The following DNMT3A variants were observed in gnomAD, a reference collection of about 807,000 sequenced individuals.
DNMT3A encodes DNA methyltransferase 3 alpha, also known as DNA (cytosine-5)-methyltransferase 3A.
Under a neutral mutation model 117.6 loss-of-function variants are expected in DNMT3A, and 267 were observed. The observed-to-expected ratio is 2.27, with a 90% CI of 2.05 to 2.51. The LOEUF (loss-of-function observed/expected upper bound fraction) is 2.51, where lower values mean the gene tolerates loss of function less well. Among genes scored for constraint, DNMT3A ranks in the 30% most tolerant of loss-of-function variants. The pLI is 0.00. For missense variants in DNMT3A, 1,029 were observed against 1,260.2 expected, an observed-to-expected ratio of 0.82 and a Z score of 2.78; for synonymous variants, 432 against 474.8, an observed-to-expected ratio of 0.91 and a Z score of 1.17.
intron 6 of DNMT3A, among the ~76,000 whole-genome samples, chr2:25,264,918 A>C (rs1273852850): frequency 6.6e-6 from 1 of 152,154 alleles, no homozygotes; most frequent in East Asian, 1.9e-4. Context: ...CTCACCCCCC[A>C]ACCTGCCGTG....
chr2:25,303,757 G>A (rs2033642692), intron 2 of DNMT3A, among the ~76,000 whole-genome samples: 1 of 152,252 alleles, frequency 6.6e-6, no homozygotes, highest in Admixed American at 6.5e-5. Context: ...GAGTCTTAGG[G>A]CAAAGCGGGA....
chr2:25,241,151 T>C (rs1312061896), intron 17 of DNMT3A, among the ~76,000 whole-genome samples: 1 of 152,222 alleles, frequency 6.6e-6, no homozygotes, highest in Non-Finnish European at 1.5e-5. Context: ...ATATGGAAGC[T>C]GATAAAGCTA....
In DNMT3A at chr2:25,311,584, G is replaced by A. The variant is rs1325952303; in HGVS notation, c.72+2329C>T. On this transcript the variant is annotated intron_variant, in intron 2 of 22. Coordinates refer to ENST00000321117, the MANE Select transcript of DNMT3A (RefSeq NM_022552.5). The surrounding 1 kb of genome is among the most constrained non-coding windows in gnomAD (Gnocchi z 5.2). The stretch of plus-strand genomic sequence containing the variant: ...TGGGGTGTGAGTGTGCACTCTATCA[G>A]CACCGGGATCTAGGGCTGGGTGTGT... Among the ~76,000 whole-genome samples, 1 of 152,184 alleles carries A rather than the reference G, an allele frequency of 6.6e-6. No homozygotes were observed. The highest frequency in any genetic ancestry group is 2.4e-5 in the African/African-American group (1 of 41,436).
chr2:25,335,337 G>A (rs1359270457), intron 1 of DNMT3A, among the ~76,000 whole-genome samples: 1 of 152,226 alleles, frequency 6.6e-6, no homozygotes, highest in African/African-American at 2.4e-5. Context: ...CTGCTCACTG[G>A]GGTGCTGGGG....
intron 2 of DNMT3A, among the ~76,000 whole-genome samples, chr2:25,303,484 C>A (rs987428408): frequency 6.6e-6 from 1 of 152,210 alleles, no homozygotes; most frequent in African/African-American, 2.4e-5. Context: ...AAGGGGTGGA[C>A]CCCCCGGTGC....
intron 4 of DNMT3A, among the ~76,000 whole-genome samples, chr2:25,276,957 GT>G (rs938160384): frequency 1.6e-4 from 25 of 152,372 alleles, no homozygotes; most frequent in African/African-American, 5.8e-4. Flanking sequence ...TCCTGGACTG[GT>G]TTTGGGCTGA....
Position 25,247,233 on chromosome 2 carries a change from G to A in DNMT3A, c.1015-75C>T, listed in dbSNP as rs1674926783. The A allele has an allele frequency of 6.9e-7, 1 of 1,446,706 alleles. No homozygotes were observed. 89.6% of individuals were successfully genotyped at this position (1,446,706 alleles called of 1,614,324 possible). On this transcript the variant is annotated intron_variant, in intron 8 of 22. Coordinates refer to ENST00000321117, the MANE Select transcript of DNMT3A (RefSeq NM_022552.5). This position sits in a 1 kb window ranked among gnomAD's most constrained non-coding sequence, Gnocchi z 5.6. Reference sequence around the variant, plus strand: ...CCCACCCCATGCCTTGCAACTGGCAGGGGCTGGGAGCCTCGAGAGTCAGTC... The same window carrying A: ...CCCACCCCATGCCTTGCAACTGGCAAGGGCTGGGAGCCTCGAGAGTCAGTC...
chr2:25,245,312 TC>T lies in DNMT3A; in HGVS notation c.1494del (p.Ser499AlafsTer152). ...GGGTGTTCCAGGGTAACATTGAGGC[TC>T]CCACAGGAGATGCAGATGTCTGGAA... ...RNIEDICISCGSLNVTLEHPL... is the reference protein window; with the variant it reads ...RNIEDICISCXSLNVTLEHPL... On this transcript the variant is annotated frameshift_variant, in exon 13 of 23. Transcript: ENST00000321117. LOFTEE classifies it high-confidence loss of function. The T allele has an allele frequency of 6.2e-7, 1 of 1,612,104 alleles. No homozygotes were observed. Among genetic ancestry groups the T allele is most frequent in the Non-Finnish European group, 8.5e-7 (1 of 1,179,432 alleles).
rs763212887 is a variant in DNMT3A at position 25,246,273 on chromosome 2, A to G, written c.1316T>C (p.Met439Thr). The G allele has an allele frequency of 5.6e-6, 9 of 1,613,820 alleles. No individual in the cohort carries two copies. The highest frequency in any genetic ancestry group is 7.6e-6 in the Non-Finnish European group (9 of 1,179,832). ...GGCAGCTGCCTCAGGTTCCACCCACATGTCCGTGTACACTTCTTTGTAGGG... is the reference window on the plus strand; with the variant it reads ...GGCAGCTGCCTCAGGTTCCACCCACGTGTCCGTGTACACTTCTTTGTAGGG... Reference protein sequence around the residue: ...KNPYKEVYTDMWVEPEAAAYA... With the variant: ...KNPYKEVYTDTWVEPEAAAYA... The change falls in exon 11 of 23, where the codon ATG becomes ACG. Residue 439 changes from methionine (M) to threonine (T), a missense_variant. Met to Thr is a moderately conservative substitution (Grantham distance 81, BLOSUM62 -1). Transcript: ENST00000321117.
intron 12 of DNMT3A, 78 bp downstream of exon 12, chr2:25,245,942 T>A: frequency 6.3e-7 from 1 of 1,595,282 alleles, no homozygotes; most frequent in Non-Finnish European, 8.6e-7. Flanking sequence ...CCCATGTCAT[T>A]CAAACCTTCC....
Position 25,337,299 on chromosome 2 carries a change from GA to G in DNMT3A, c.-178+4526del, listed in dbSNP as rs758765473. 5.0e-4 allele frequency among the ~76,000 whole-genome samples: 76 copies of G among 152,288 alleles called. No homozygotes were observed. Among genetic ancestry groups the G allele is most frequent in the Non-Finnish European group, 9.0e-4 (61 of 68,032 alleles). On this transcript the variant is annotated intron_variant, in intron 1 of 22. Transcript: ENST00000321117. The surrounding 1 kb of genome is among the most constrained non-coding windows in gnomAD (Gnocchi z 5.0). ...GACCAAGATTCTGCAAAAGACACAG[GA>G]AGGTGGACGAGGCTTCTTAGAGCAC...
intron 14 of DNMT3A, 80 bp from the exon 15 acceptor site, chr2:25,244,418 A>T: frequency 6.4e-7 from 1 of 1,560,208 alleles, no homozygotes; most frequent in East Asian, 2.3e-5. Context: ...GAATGGAAAG[A>T]CCGGGTCTGG....
intron 6 of DNMT3A, among the ~76,000 whole-genome samples, chr2:25,268,065 G>A (rs1173687434): frequency 6.6e-6 from 1 of 152,130 alleles, no homozygotes; most frequent in East Asian, 1.9e-4. Flanking sequence ...GTCCATGAAG[G>A]CTCTGCTATC....
At chr2:25,324,557 A>G (rs1430299965) in intron 1 of DNMT3A, among the ~76,000 whole-genome samples, 2 of 152,180 alleles carry the variant, frequency 1.3e-5, no homozygotes, top group Non-Finnish European at 2.9e-5. Flanking sequence ...GCTTAGGAGG[A>G]GGTGCAAATG....
chr2:25,295,356 T>C (rs949722116), intron 3 of DNMT3A, among the ~76,000 whole-genome samples: 1 of 152,246 alleles, frequency 6.6e-6, no homozygotes, highest in Non-Finnish European at 1.5e-5. Context: ...GCTGACTTCC[T>C]GTTTCCTGTT....
At position 25,286,263 on chromosome 2, in the gene DNMT3A, A is replaced by G. The variant is rs77179232; in HGVS notation, c.178-3552T>C. ...TCCCGACCAACCCAGTCCTTCATGC[A>G]CAAGAGTAAGCCCTGCCCTGGCCTT... On this transcript the variant is annotated intron_variant, in intron 3 of 22. Coordinates refer to ENST00000321117, the MANE Select transcript of DNMT3A (RefSeq NM_022552.5). The surrounding 1 kb of genome is among the most constrained non-coding windows in gnomAD (Gnocchi z 4.3). Among the ~76,000 whole-genome samples, 296 of 152,294 alleles carry G rather than the reference A, an allele frequency of 1.9e-3. No homozygotes were observed. The highest frequency in any genetic ancestry group is 6.9e-3 in the African/African-American group (288 of 41,550).
intron 2 of DNMT3A, among the ~76,000 whole-genome samples, chr2:25,312,235 TC>T (rs2034160323): frequency 6.6e-6 from 1 of 152,156 alleles, no homozygotes; most frequent in South Asian, 2.1e-4. Flanking sequence ...GCGGCAGGTG[TC>T]CCCAACTCTA....
chr2:25,319,918 C>T (rs1227486023), intron 1 of DNMT3A, among the ~76,000 whole-genome samples: 1 of 152,096 alleles, frequency 6.6e-6, no homozygotes, highest in Non-Finnish European at 1.5e-5. Flanking sequence ...TACAGGCACC[C>T]GCCGCCATGC....
chr2:25,302,958 C>T (rs2033598872), intron 2 of DNMT3A, among the ~76,000 whole-genome samples: 1 of 152,178 alleles, frequency 6.6e-6, no homozygotes, highest in African/African-American at 2.4e-5. Context: ...CCTCAGTTTC[C>T]TCATCCATAA....
Sources: allele counts gnomAD v4.1 joint callset (sites outside exome capture counted in the v4.1 genomes callset), GRCh38; gene constraint gnomAD v4.1.1; non-coding constraint Gnocchi (gnomAD v3.1); transcripts MANE v1.5; gene names NCBI Gene and HGNC (gene_info 2026-07-23, HGNC 2026-07-21).